The following TLE4 variants were observed in gnomAD, a reference collection of about 807,000 sequenced individuals.
The protein encoded by TLE4 is transducin-like enhancer protein 4.
In TLE4, 8 loss-of-function variants were observed where a neutral mutation model predicts 92.8. The observed-to-expected ratio is 0.09, with a 90% CI of 0.05 to 0.16. TLE4 has a LOEUF of 0.16. TLE4 is among the 10% of genes least tolerant of loss of function. The probability of loss-of-function intolerance (pLI) is 1.00; values close to 1 mark genes in which losing one functional copy is unlikely to be tolerated. For missense variants in TLE4, 675 were observed against 997.6 expected, an observed-to-expected ratio of 0.68 and a Z score of 4.36; for synonymous variants, 371 against 374.1, an observed-to-expected ratio of 0.99 and a Z score of 0.10.
intron 8 of TLE4, among the ~76,000 whole-genome samples, chr9:79,667,715 G>A (rs762265487): frequency 3.2e-4 from 49 of 152,040 alleles, no homozygotes; most frequent in Non-Finnish European, 6.3e-4. Context: ...AAGATAGTGT[G>A]GAGCTTCGAA....
chr9:79,711,488 G>T (rs568872132), intron 14 of TLE4, among the ~76,000 whole-genome samples: 2 of 152,296 alleles, frequency 1.3e-5, no homozygotes, highest in African/African-American at 4.8e-5. Context: ...AAGTGGAAGG[G>T]TTCCTTTAGG....
Position 79,576,192 on chromosome 9 carries a change from T to C in TLE4, c.252+15T>C, listed in dbSNP as rs1209681573. ...TGCACAAGCAGGTAAGTTATTTCTT[T>C]ATAACCATTTTAAATGACAGTAATA... On this transcript the variant is annotated intron_variant, in intron 4 of 19. Coordinates refer to ENST00000376552, the MANE Select transcript of TLE4 (RefSeq NM_007005.6). The C allele has an allele frequency of 5.3e-6, 8 of 1,520,398 alleles. No individual in the cohort carries two copies. The highest frequency in any genetic ancestry group is 7.1e-6 in the Non-Finnish European group (8 of 1,120,806). 94.2% of individuals were successfully genotyped at this position (1,520,398 alleles called of 1,614,324 possible).
At chr9:79,638,777 G>A (rs963476138) in intron 6 of TLE4, among the ~76,000 whole-genome samples, 1 of 152,176 alleles carries the variant, frequency 6.6e-6, no homozygotes, top group East Asian at 1.9e-4. Flanking sequence ...GGAAAAAACA[G>A]TTTAAGTTGA....
chr9:79,583,349 C>G (rs1002027938), intron 4 of TLE4, among the ~76,000 whole-genome samples: 1 of 152,206 alleles, frequency 6.6e-6, no homozygotes, highest in South Asian at 2.1e-4. Context: ...CTTAGGTACT[C>G]TGTCCTCTGG....
chr9:79,710,217 GT>G (rs2072903745), intron 14 of TLE4, among the ~76,000 whole-genome samples: 1 of 152,192 alleles, frequency 6.6e-6, no homozygotes, highest in African/African-American at 2.4e-5. Flanking sequence ...CACACCAGTT[GT>G]TCTAGCCTTC....
chr9:79,714,012 T>C (rs1403368664), intron 14 of TLE4, among the ~76,000 whole-genome samples: 1 of 151,882 alleles, frequency 6.6e-6, no homozygotes, highest in East Asian at 1.9e-4. Context: ...TACAGGCACA[T>C]GCGCCACCAC....
chr9:79,626,105 C>T (rs185803696), intron 5 of TLE4, among the ~76,000 whole-genome samples: 40 of 152,182 alleles, frequency 2.6e-4, no homozygotes, highest in South Asian at 6.2e-4. Context: ...AGAGTGAAAA[C>T]ATCACATTGT....
chr9:79,686,898 G>T (rs966276169), intron 8 of TLE4, among the ~76,000 whole-genome samples: 1 of 152,190 alleles, frequency 6.6e-6, no homozygotes, highest in East Asian at 1.9e-4. Flanking sequence ...AGTACTTGCT[G>T]TATGATGCTA....
intron 8 of TLE4, among the ~76,000 whole-genome samples, chr9:79,665,324 C>T (rs2134602995): frequency 6.6e-6 from 1 of 152,316 alleles, no homozygotes; most frequent in South Asian, 2.1e-4. Context: ...CAGGCCTGTA[C>T]TGCATTGGGG....
rs142381583 is a variant in TLE4, at chr9:79,685,706, A to G, written c.610-19077A>G. On this transcript the variant is annotated intron_variant, in intron 8 of 19. Transcript: ENST00000376552. Reference sequence around the variant, plus strand: ...ACTCATTTGGATTGAACAGAAGGTCATATGTCTGAACATCACTTATCCCAC... The same window carrying G: ...ACTCATTTGGATTGAACAGAAGGTCGTATGTCTGAACATCACTTATCCCAC... Among the ~76,000 whole-genome samples, 1,141 of 152,344 alleles carry G rather than the reference A, an allele frequency of 7.5e-3. 5 individuals are homozygous for G. The highest frequency in any genetic ancestry group is 0.011 in the Non-Finnish European group (771 of 68,030).
chr9:79,625,712 C>A (rs2052440209), intron 5 of TLE4, among the ~76,000 whole-genome samples: 1 of 152,026 alleles, frequency 6.6e-6, no homozygotes, highest in Admixed American at 6.6e-5. Context: ...CCTGAAATGA[C>A]AATTGCTGGC....
chr9:79,708,331 A>G, intron 12 of TLE4, 81 bp downstream of exon 12: 2 of 1,499,408 alleles, frequency 1.3e-6, no homozygotes, highest in South Asian at 2.4e-5. Context: ...CAGTACATTA[A>G]AAGTGCTAAT....
chr9:79,652,439 G>A (rs983517808), intron 6 of TLE4, 154 bp from the exon 7 acceptor site: 17 of 709,622 alleles, frequency 2.4e-5, no homozygotes, highest in East Asian at 8.1e-5. Flanking sequence ...CGCCTGCCTC[G>A]GCCTCCCAAA....
chr9:79,596,259 C>T (rs1338055793), intron 4 of TLE4, among the ~76,000 whole-genome samples: 5 of 152,070 alleles, frequency 3.3e-5, no homozygotes, highest in Admixed American at 2.0e-4. Flanking sequence ...TAAAATTAAG[C>T]CTGCCTCGCC....
chr9:79,593,210 A>C lies in TLE4; in HGVS notation c.252+17033A>C, dbSNP rs1482473393. On this transcript the variant is annotated intron_variant, in intron 4 of 19. Coordinates refer to ENST00000376552, the MANE Select transcript of TLE4 (RefSeq NM_007005.6). ...TAAAGCCACAGATCCATTCCAAAAA[A>C]AAACGAAAACCGAAATGTGGTTTTG... is the stretch of plus-strand genomic sequence containing the variant. Among the ~76,000 whole-genome samples the C allele has an allele frequency of 2.6e-5, 4 of 152,350 alleles. No homozygotes were observed. In the East Asian group the frequency reaches 7.7e-4, roughly 29 times the overall value.
intron 8 of TLE4, chr9:79,693,786 T>C: frequency 2.9e-6 from 1 of 349,480 alleles, no homozygotes; most frequent in Non-Finnish European, 5.6e-6. Flanking sequence ...CAAAAGCGCA[T>C]CACTGAGCTA....
chr9:79,725,317 T>A lies in TLE4; in HGVS notation c.*173T>A. 1 of 519,880 alleles carries A rather than the reference T, an allele frequency of 1.9e-6. No individual in the cohort carries two copies. The highest frequency in any genetic ancestry group is 3.3e-5 in the East Asian group (1 of 29,880). The allele number at this position is 519,880 out of a possible 1,614,324, so 32.2% of individuals were successfully genotyped here. On this transcript the variant is annotated 3_prime_UTR_variant, in exon 20 of 20. Coordinates refer to ENST00000376552, the MANE Select transcript of TLE4 (RefSeq NM_007005.6). ...TTCCCACTTGCTATTGAATTGTGAA[T>A]AGTCATTAAAAACCTGTGATACCAA...
chr9:79,683,793 A>C (rs540960512), intron 8 of TLE4, among the ~76,000 whole-genome samples: 29 of 152,316 alleles, frequency 1.9e-4, no homozygotes, highest in South Asian at 1.9e-3. Context: ...TTAAGCAGTC[A>C]CCTAATCTCA....
chr9:79,665,442 C>T (rs1465599849), intron 8 of TLE4, among the ~76,000 whole-genome samples: 3 of 152,112 alleles, frequency 2.0e-5, no homozygotes, highest in Admixed American at 2.0e-4. Flanking sequence ...ATTAATGGAT[C>T]GTTCCTCTTC....
Sources: allele counts gnomAD v4.1 joint callset (sites outside exome capture counted in the v4.1 genomes callset), GRCh38; gene constraint gnomAD v4.1.1; transcripts MANE v1.5; gene names NCBI Gene and HGNC (gene_info 2026-07-23, HGNC 2026-07-21).